The following BABAM2 variants were observed in gnomAD, a reference collection of about 807,000 sequenced individuals.
BABAM2 encodes BRISC and BRCA1-A complex member 2.
Under a neutral mutation model 54.7 loss-of-function variants are expected in BABAM2, and 31 were observed. That is an observed-to-expected ratio of 0.57 (90% CI 0.43 to 0.77). BABAM2 has a LOEUF of 0.77. BABAM2 is among the 30% of genes least tolerant of loss of function. The pLI, the probability that BABAM2 is intolerant of heterozygous loss-of-function variation, is 0.00. For missense variants in BABAM2, 364 were observed against 455.8 expected, an observed-to-expected ratio of 0.80 and a Z score of 1.83; for synonymous variants, 167 against 162.9, an observed-to-expected ratio of 1.03 and a Z score of -0.19.
At chr2:27,919,692 A>G (rs1360183687) in intron 2 of BABAM2, among the ~76,000 whole-genome samples, 1 of 152,324 alleles carries the variant, frequency 6.6e-6, no homozygotes, top group South Asian at 2.1e-4. Context: ...CTAAGCATCT[A>G]TCTGAAAAAG....
chr2:27,904,536 A>G (rs1666060241), intron 2 of BABAM2, among the ~76,000 whole-genome samples: 1 of 152,232 alleles, frequency 6.6e-6, no homozygotes, highest in Non-Finnish European at 1.5e-5. Context: ...AGGGCTTCAA[A>G]TTTTCATGTT....
intron 3 of BABAM2, among the ~76,000 whole-genome samples, chr2:27,980,644 G>A: frequency 6.6e-6 from 1 of 151,948 alleles, no homozygotes; most frequent in East Asian, 1.9e-4. Flanking sequence ...GCTATTTTAA[G>A]TTACTTCTTT....
At chr2:28,334,704 CAT>C (rs1176161539) in intron 11 of BABAM2, among the ~76,000 whole-genome samples, 5 of 152,204 alleles carry the variant, frequency 3.3e-5, no homozygotes, top group Non-Finnish European at 7.3e-5. Context: ...GCAGGTGAAA[CAT>C]ATGGAAGGAA....
rs1463589460 is a variant in BABAM2, at chr2:28,015,761, G to A, written c.301-9465G>A. The A allele has an allele frequency of 5.5e-6, 6 of 1,093,696 alleles. No homozygotes were observed. In the Admixed American group the frequency reaches 1.4e-4, roughly 26 times the overall value. 67.7% of individuals were successfully genotyped at this position (1,093,696 alleles called of 1,614,324 possible). Reference sequence around the variant, plus strand: ...TTTTCTGAATGTTATGGTGAGTCAGGACTTGAACTAGCAGGCTTCTTTTTC... The same window carrying A: ...TTTTCTGAATGTTATGGTGAGTCAGAACTTGAACTAGCAGGCTTCTTTTTC... On this transcript the variant is annotated intron_variant, in intron 4 of 11. Coordinates refer to ENST00000379624, the MANE Select transcript of BABAM2 (RefSeq NM_199191.3).
At chr2:27,940,585 T>C (rs1192924918) in intron 3 of BABAM2, among the ~76,000 whole-genome samples, 1 of 152,150 alleles carries the variant, frequency 6.6e-6, no homozygotes, top group African/African-American at 2.4e-5. Context: ...TGAAATATTG[T>C]AAGTTATATT....
intron 7 of BABAM2, among the ~76,000 whole-genome samples, chr2:28,221,012 T>C (rs1680355491): frequency 6.6e-6 from 1 of 152,178 alleles, no homozygotes. Flanking sequence ...GATTCCCAAG[T>C]GGGAAGTGAA....
At chr2:28,124,254 T>A (rs1258259165) in intron 6 of BABAM2, among the ~76,000 whole-genome samples, 1 of 152,254 alleles carries the variant, frequency 6.6e-6, no homozygotes, top group Non-Finnish European at 1.5e-5. Context: ...CCTATGAATG[T>A]CTTCAAGCTC....
chr2:28,172,695 G>A (rs752989322), intron 7 of BABAM2, among the ~76,000 whole-genome samples: 3 of 152,154 alleles, frequency 2.0e-5, no homozygotes, highest in East Asian at 1.9e-4. Flanking sequence ...GGGGACGAAC[G>A]AGTATTCCTG....
intron 7 of BABAM2, among the ~76,000 whole-genome samples, chr2:28,137,142 A>C (rs942044218): frequency 2.0e-5 from 3 of 152,142 alleles, no homozygotes; most frequent in African/African-American, 7.2e-5. Flanking sequence ...CAGTCTTCTC[A>C]AAAAAGAGAC....
intron 7 of BABAM2, among the ~76,000 whole-genome samples, chr2:28,156,026 T>C (rs937133690): frequency 7.2e-5 from 11 of 152,244 alleles, no homozygotes; most frequent in Non-Finnish European, 1.6e-4. Context: ...TTAGATTTGT[T>C]AATAAAATTA....
chr2:28,298,400 T>C lies in BABAM2; in HGVS notation c.997T>C (p.Phe333Leu). Residue 333 changes from phenylalanine (F) to leucine (L), a missense_variant, in exon 11 of 12, where the codon TTT (phenylalanine) becomes CTT (leucine). By Grantham distance (22) the Phe-to-Leu change is conservative. Coordinates refer to ENST00000379624, the MANE Select transcript of BABAM2 (RefSeq NM_199191.3). ...PTLTFQSVYH[F>L]TNSGQLYSQA... The stretch of plus-strand genomic sequence containing the variant: ...TCTCACATTTCAGTCCGTTTATCAC[T>C]TTACCAACAGTGGACAGCTTTACTC... 6.2e-7 allele frequency: 1 copy of C among 1,614,220 alleles called. No individual in the cohort carries two copies. Among genetic ancestry groups the C allele is most frequent in the African/African-American group, 1.3e-5 (1 of 75,064 alleles).
At chr2:28,248,832 A>T in intron 10 of BABAM2, among the ~76,000 whole-genome samples, 1 of 152,114 alleles carries the variant, frequency 6.6e-6, no homozygotes, top group East Asian at 1.9e-4. Context: ...GTTAGACCAA[A>T]TCTGACCACT....
At chr2:28,132,451 T>TA (rs1321300891) in intron 7 of BABAM2, among the ~76,000 whole-genome samples, 1 of 152,132 alleles carries the variant, frequency 6.6e-6, no homozygotes, top group Non-Finnish European at 1.5e-5. Context: ...TCTTCTTTCT[T>TA]ACGTTAAGAG....
intron 7 of BABAM2, among the ~76,000 whole-genome samples, chr2:28,220,379 G>GA (rs1680292412): frequency 2.0e-5 from 3 of 152,176 alleles, no homozygotes; most frequent in African/African-American, 7.2e-5. Context: ...CTGGCTCATG[G>GA]AAAATGTTCA....
chr2:27,916,290 T>C (rs1009986874), intron 2 of BABAM2, among the ~76,000 whole-genome samples: 2 of 152,328 alleles, frequency 1.3e-5, no homozygotes, highest in East Asian at 3.9e-4. Context: ...CTAAAAAGTT[T>C]ACAGGAATAT....
chr2:28,084,538 G>GC (rs1665470493), intron 6 of BABAM2, among the ~76,000 whole-genome samples: 1 of 152,120 alleles, frequency 6.6e-6, no homozygotes, highest in African/African-American at 2.4e-5. Context: ...ATTGAGGGAG[G>GC]CCAGGGGCAT....
intron 3 of BABAM2, among the ~76,000 whole-genome samples, chr2:27,983,651 TG>T (rs538542393): frequency 8.9e-4 from 135 of 152,222 alleles, no homozygotes; most frequent in Middle Eastern, 3.4e-3. Flanking sequence ...GTTGTGTAGT[TG>T]CTAGTGTACA....
chr2:28,073,199 T>A (rs1664330583), intron 6 of BABAM2, among the ~76,000 whole-genome samples: 1 of 152,118 alleles, frequency 6.6e-6, no homozygotes, highest in South Asian at 2.1e-4. Flanking sequence ...TTTTCTTTTT[T>A]AAAACATAGA....
At chr2:28,323,742 A>C (rs1690218923) in intron 11 of BABAM2, among the ~76,000 whole-genome samples, 1 of 152,102 alleles carries the variant, frequency 6.6e-6, no homozygotes, top group African/African-American at 2.4e-5. Context: ...TTTTAAGATG[A>C]CCTTTATGTT....
Sources: gnomAD v4.1 joint callset for allele counts (sites outside exome capture counted in the v4.1 genomes callset) on GRCh38, gnomAD v4.1.1 for gene constraint, MANE v1.5 for transcripts, NCBI Gene and HGNC (gene_info 2026-07-23, HGNC 2026-07-21) for gene names.